ANK1: variants seen among roughly 807,000 people sequenced by gnomAD.
ANK1 encodes ankyrin-1.
In ANK1, 51 loss-of-function variants were observed where a neutral mutation model predicts 210.4. That is an observed-to-expected ratio of 0.24 (90% CI 0.19 to 0.31). The LOEUF is 0.31. Ranked by LOEUF, ANK1 falls within the 10% of genes least tolerant of loss-of-function variation. ANK1 has a pLI of 1.00. For missense variants in ANK1, 2,051 were observed against 2,504.4 expected (o/e 0.82, Z 3.86); for synonymous variants, 967 against 1,025.9 (o/e 0.94, Z 1.10).
In ANK1 at chr8:41,727,434, C is replaced by CAGG. The variant is rs2150662088; in HGVS notation, c.328-87_328-86insCCT. ...GCACAACGTCCTCTCACCTGGAGGA[C>CAGG]AGCGCTCTCTTCATTCCATTTCCTC... is the stretch of plus-strand genomic sequence containing the variant. On this transcript the variant is annotated intron_variant, in intron 4 of 42. Coordinates refer to ENST00000289734, the MANE Select transcript of ANK1 (RefSeq NM_000037.4). 3.2e-6 allele frequency: 3 copies of CAGG among 947,496 alleles called. No individual in the cohort carries two copies. The East Asian group carries it at 7.4e-5, about 23-fold the overall frequency. The allele number at this position is 947,496 out of a possible 1,614,324, so 58.7% of individuals were successfully genotyped here.
chr8:41,822,164 AAGAAAGAAAG>A (rs1347254284), intron 1 of ANK1, among the ~76,000 whole-genome samples: 85 of 149,682 alleles, frequency 5.7e-4, no homozygotes, highest in African/African-American at 2.0e-3. Context: ...GAAAGAAAGA[AAGAAAGAAAG>A]AAAGAAAGAA....
intron 1 of ANK1, 54 bp from the exon 2 acceptor site, chr8:41,758,191 C>T: frequency 1.3e-6 from 2 of 1,520,426 alleles, no homozygotes; most frequent in Non-Finnish European, 1.8e-6. Flanking sequence ...ATGACTTCTC[C>T]ACCCCGTTCA....
chr8:41,688,440 G>C, intron 34 of ANK1, 71 bp downstream of exon 34: 1 of 1,560,094 alleles, frequency 6.4e-7, no homozygotes, highest in Middle Eastern at 1.7e-4. Flanking sequence ...TCACAGGGCT[G>C]CGGGGAGATG....
At chr8:41,865,263 T>A (rs1476683854) in intron 1 of ANK1, among the ~76,000 whole-genome samples, 1 of 152,132 alleles carries the variant, frequency 6.6e-6, no homozygotes, top group Non-Finnish European at 1.5e-5. Flanking sequence ...AGCAGCACAT[T>A]TTCAGGAACT....
chr8:41,758,505 T>A (rs1763913959), intron 1 of ANK1, among the ~76,000 whole-genome samples: 1 of 151,886 alleles, frequency 6.6e-6, no homozygotes, highest in African/African-American at 2.4e-5. Flanking sequence ...ACTATTTTTT[T>A]AAACTTTTTT....
chr8:41,692,664 C>T lies in ANK1; in HGVS notation c.3842G>A (p.Arg1281Gln), dbSNP rs1481858393. The T allele has an allele frequency of 5.0e-6, 8 of 1,613,534 alleles. No individual in the cohort carries two copies. The highest frequency in any genetic ancestry group is 1.1e-5 in the South Asian group (1 of 91,048). The change falls in exon 31 of 43, where the codon CGG becomes CAG. Residue 1281 changes from arginine (R) to glutamine (Q), a missense_variant. By Grantham distance (43) the Arg-to-Gln change is conservative (BLOSUM62 1). Transcript: ENST00000289734. ...CCCTGTTACCTCTATGTCCCTGCTC[C>T]GGGCCACCTCCACGAAGTTCTCATG... ...EQHENFVEVA[R>Q]SRDIEVLEGM...
intron 38 of ANK1, among the ~76,000 whole-genome samples, chr8:41,670,387 C>T (rs916806626): frequency 2.6e-5 from 4 of 152,028 alleles, no homozygotes; most frequent in South Asian, 2.1e-4. Flanking sequence ...AGAGCCCAGG[C>T]GTTCATGAAC....
rs571990331 is a variant in ANK1 at position 41,661,725 on chromosome 8, T to G, written c.5544+151A>C. 1,871 of 1,599,584 alleles carry G rather than the reference T, an allele frequency of 1.2e-3. 1 individual carries two copies. The highest frequency in any genetic ancestry group is 1.4e-3 in the Non-Finnish European group (1,689 of 1,172,664). ...TCATAAAGAGGTGAGTGGAGGGAGG[T>G]GTCATGCAGACGGCCCGGCAGAGCA... is the stretch of plus-strand genomic sequence containing the variant. On this transcript the variant is annotated intron_variant, in intron 41 of 42. Coordinates refer to ENST00000289734, the MANE Select transcript of ANK1 (RefSeq NM_000037.4).
intron 1 of ANK1, among the ~76,000 whole-genome samples, chr8:41,771,069 T>C (rs1842871265): frequency 6.6e-6 from 1 of 152,214 alleles, no homozygotes; most frequent in South Asian, 2.1e-4. Flanking sequence ...CTGACTGGTG[T>C]TAGAAGAATG....
intron 1 of ANK1, among the ~76,000 whole-genome samples, chr8:41,850,087 C>T (rs1810946746): frequency 6.6e-6 from 1 of 152,182 alleles, no homozygotes; most frequent in African/African-American, 2.4e-5. Flanking sequence ...CGGCACCAGG[C>T]TCAGCACGCT....
At position 41,714,180 on chromosome 8, in the gene ANK1, GC is replaced by G; in HGVS notation, c.1775del (p.Gly592AlafsTer45). ...LDIVKLLLPR[G>X]GSPHSPAWNG... ...CCCAGGCAGGGCTGTGCGGGGAGCC[GC>G]CCCGGGGAAGCAGCAGCTTGACGAT... is the stretch of plus-strand genomic sequence containing the variant. On this transcript the variant is annotated frameshift_variant, in exon 16 of 43. Coordinates refer to ENST00000289734, the MANE Select transcript of ANK1 (RefSeq NM_000037.4). LOFTEE classifies it high-confidence loss of function. The G allele has an allele frequency of 6.9e-7, 1 of 1,454,536 alleles. No homozygotes were observed. The highest frequency in any genetic ancestry group is 9.2e-7 in the Non-Finnish European group (1 of 1,087,468). 90.1% of individuals were successfully genotyped at this position (1,454,536 alleles called of 1,614,324 possible). A position where few individuals can be genotyped will look rare whatever the true frequency, so the allele number is the denominator to read the frequency against.
rs550448129 is a variant in ANK1, at chr8:41,724,552, C to G, written c.615G>C (p.Thr205=). The change falls in exon 7 of 43, where the codon ACG becomes ACC. Residue 205 remains threonine (T), a splice_region_variant and synonymous_variant. Transcript: ENST00000289734. ...NDPNPDVLSK[T]GFTPLHIAAH... is the part of the protein sequence containing the mutation. The stretch of plus-strand genomic sequence containing the variant: ...CCGCAATGTGCAGGGGCGTGAATCC[C>G]GTCTGGGGCACAACAGAGGGGGAGA... 1.9e-6 allele frequency: 3 copies of G among 1,589,752 alleles called. No homozygotes were observed. Among genetic ancestry groups the G allele is most frequent in the Non-Finnish European group, 2.6e-6 (3 of 1,167,618 alleles).
chr8:41,751,440 C>T (rs1259629954), intron 2 of ANK1, among the ~76,000 whole-genome samples: 2 of 152,146 alleles, frequency 1.3e-5, no homozygotes, highest in East Asian at 3.9e-4. Context: ...AAGAGAGGTA[C>T]TGACACATCA....
chr8:41,705,046 T>G (rs941261652), intron 18 of ANK1, among the ~76,000 whole-genome samples: 1 of 152,190 alleles, frequency 6.6e-6, no homozygotes, highest in African/African-American at 2.4e-5. Flanking sequence ...GTAATGGAAT[T>G]TATGAGAACT....
intron 1 of ANK1, among the ~76,000 whole-genome samples, chr8:41,813,242 G>A (rs546799649): frequency 8.4e-4 from 128 of 152,292 alleles, no homozygotes; most frequent in African/African-American, 3.0e-3. Flanking sequence ...ATGTTGTGGC[G>A]ATTTCTCCAA....
At position 41,704,230 on chromosome 8, in the gene ANK1, G is replaced by C; in HGVS notation, c.2197-91C>G. 2 of 1,376,498 alleles carry C rather than the reference G, an allele frequency of 1.5e-6. No individual in the cohort carries two copies. The highest frequency in any genetic ancestry group is 2.1e-6 in the Non-Finnish European group (2 of 966,628). 85.3% of individuals were successfully genotyped at this position (1,376,498 alleles called of 1,614,324 possible). On this transcript the variant is annotated intron_variant, in intron 19 of 42. Transcript: ENST00000289734. The surrounding 1 kb of genome is among the most constrained non-coding windows in gnomAD (Gnocchi z 4.1). ...ATAGTGCCTGCCCATCTTCGAAGTG[G>C]GACATTAATGAAATGCATTTTCCCC...
chr8:41,807,451 C>T (rs1428401871), intron 1 of ANK1, among the ~76,000 whole-genome samples: 1 of 152,260 alleles, frequency 6.6e-6, no homozygotes, highest in Non-Finnish European at 1.5e-5. Flanking sequence ...ACAGAGAGTC[C>T]GTACTGCCCT....
intron 1 of ANK1, among the ~76,000 whole-genome samples, chr8:41,775,343 G>C (rs761632414): frequency 6.6e-6 from 1 of 152,246 alleles, no homozygotes; most frequent in African/African-American, 2.4e-5. Context: ...GCCAGCCAGA[G>C]AGACCTGCCC....
At chr8:41,669,084 T>C (rs1399436375) in intron 38 of ANK1, among the ~76,000 whole-genome samples, 1 of 151,010 alleles carries the variant, frequency 6.6e-6, no homozygotes, top group Non-Finnish European at 1.5e-5. Flanking sequence ...CTCTGCTTGT[T>C]CCTCCTAGCT....
Sources: gnomAD v4.1 joint callset for allele counts (sites outside exome capture counted in the v4.1 genomes callset) on GRCh38, gnomAD v4.1.1 for gene constraint, Gnocchi (gnomAD v3.1) non-coding constraint, MANE v1.5 for transcripts, NCBI Gene and HGNC (gene_info 2026-07-23, HGNC 2026-07-21) for gene names.